The following ZAR1L variants were observed in gnomAD, a reference collection of about 807,000 sequenced individuals.
ZAR1L encodes zygote arrest 1 like.
Under a neutral mutation model 30.0 loss-of-function variants are expected in ZAR1L, and 16 were observed. The observed-to-expected ratio is 0.53, with a 90% CI of 0.36 to 0.81. The LOEUF is 0.81. Ranked by LOEUF, ZAR1L falls within the 30% of genes least tolerant of loss-of-function variation. ZAR1L has a pLI of 0.00. For missense variants in ZAR1L, 392 were observed against 417.2 expected (o/e 0.94, Z 0.53); for synonymous variants, 197 against 166.8 (o/e 1.18, Z -1.40).
intron 4 of ZAR1L, among the ~76,000 whole-genome samples, chr13:32,308,992 AT>A (rs35160937): frequency 0.31 from 44,590 of 144,338 alleles, 7,281 homozygotes; most frequent in South Asian, 0.39. Context: ...ATTGGAATAC[AT>A]TTTTTTTTTT....
chr13:32,305,173 A>G (rs1478352724), intron 5 of ZAR1L, among the ~76,000 whole-genome samples: 3 of 151,962 alleles, frequency 2.0e-5, no homozygotes, highest in African/African-American at 7.3e-5. Context: ...AGTCTTAAAC[A>G]TTATTTAATA....
At position 32,305,683 on chromosome 13, in the gene ZAR1L, G is replaced by C. The variant is rs564864101; in HGVS notation, c.823-1661C>G. 7.2e-5 allele frequency among the ~76,000 whole-genome samples: 11 copies of C among 152,258 alleles called. No homozygotes were observed. In the South Asian group the frequency reaches 2.3e-3, roughly 32 times the overall value. On this transcript the variant is annotated intron_variant, in intron 5 of 5. Transcript: ENST00000533490. ...GGATTTACCCTAAAGGTTGATTTTT[G>C]CTTCTGGAAATGATGGATTAGGTAA... is the stretch of plus-strand genomic sequence containing the variant.
intron 5 of ZAR1L, among the ~76,000 whole-genome samples, chr13:32,305,515 T>A (rs192067060): frequency 6.6e-6 from 1 of 152,226 alleles, no homozygotes; most frequent in Non-Finnish European, 1.5e-5. Context: ...CGTGAGCCAC[T>A]GCACCCAGCC....
At chr13:32,308,151 C>T (rs1423045013) in intron 5 of ZAR1L, among the ~76,000 whole-genome samples, 1 of 152,090 alleles carries the variant, frequency 6.6e-6, no homozygotes, top group Non-Finnish European at 1.5e-5. Context: ...TAACTAAGGA[C>T]TTAGGTTAAA....
At chr13:32,310,516 G>C (rs206110) in intron 4 of ZAR1L, 123 bp downstream of exon 4, 2 of 694,176 alleles carry the variant, frequency 2.9e-6, no homozygotes, top group Non-Finnish European at 5.0e-6. Context: ...CACCTGGCAC[G>C]GGGGATGCCA....
chr13:32,306,767 C>A (rs2072178414), intron 5 of ZAR1L, among the ~76,000 whole-genome samples: 1 of 151,818 alleles, frequency 6.6e-6, no homozygotes, highest in African/African-American at 2.4e-5. Context: ...CCTGTCTATA[C>A]TAAAAATACA....
At chr13:32,310,048 G>A (rs1275421129) in intron 4 of ZAR1L, among the ~76,000 whole-genome samples, 1 of 152,232 alleles carries the variant, frequency 6.6e-6, no homozygotes, top group Non-Finnish European at 1.5e-5. Flanking sequence ...GAGGTGCACA[G>A]GGCAAGGAAA....
At chr13:32,314,634 T>A (rs369491424) in intron 1 of ZAR1L, 84 bp from the exon 2 acceptor site, 1 of 152,380 alleles carries the variant, frequency 6.6e-6, no homozygotes, top group Non-Finnish European at 1.5e-5. Context: ...GCAGATCACC[T>A]GAGGTCGGGA....
At chr13:32,309,632 C>T (rs2072199143) in intron 4 of ZAR1L, among the ~76,000 whole-genome samples, 1 of 152,204 alleles carries the variant, frequency 6.6e-6, no homozygotes, top group African/African-American at 2.4e-5. Flanking sequence ...CCTTCCTGTG[C>T]TATCTCTGCA....
intron 5 of ZAR1L, among the ~76,000 whole-genome samples, chr13:32,304,445 G>A (rs2072159665): frequency 6.6e-6 from 1 of 152,058 alleles, no homozygotes; most frequent in Admixed American, 6.6e-5. Context: ...AGTGGCAGTG[G>A]GTAGGAATAA....
In ZAR1L at chr13:32,311,760, G is replaced by T. The variant is rs1372936700; in HGVS notation, c.166C>A (p.Pro56Thr). 1 of 1,551,550 alleles carries T rather than the reference G, an allele frequency of 6.4e-7. No individual in the cohort carries two copies. Among genetic ancestry groups the T allele is most frequent in the Non-Finnish European group, 8.7e-7 (1 of 1,147,014 alleles). The change falls in exon 3 of 6, where the codon CCT becomes ACT. Residue 56 changes from proline to threonine, a missense_variant. Coordinates refer to ENST00000533490, the MANE Select transcript of ZAR1L (RefSeq NM_001136571.2). ...RPGLLVPANA[P>T]DYCIDPYKRA... ...TTGTAAGGGTCAATGCAGTAGTCAG[G>T]GGCGTTCGCGGGCACCAGCAGCCCT...
intron 5 of ZAR1L, among the ~76,000 whole-genome samples, chr13:32,307,991 C>T (rs176178): frequency 0.38 from 57,243 of 151,792 alleles, 11,002 homozygotes; most frequent in East Asian, 0.49. Flanking sequence ...TTAATAGAGA[C>T]GGGGTTTCAC....
chr13:32,315,054 G>T (rs1041385482), intron 1 of ZAR1L, among the ~76,000 whole-genome samples: 4 of 152,118 alleles, frequency 2.6e-5, no homozygotes, highest in African/African-American at 9.7e-5. Flanking sequence ...ACCACTAAGT[G>T]AAGTCATCCA....
At chr13:32,304,578 G>A (rs1307948095) in intron 5 of ZAR1L, among the ~76,000 whole-genome samples, 1 of 152,198 alleles carries the variant, frequency 6.6e-6, no homozygotes, top group Admixed American at 6.5e-5. Context: ...AAAACTGGGA[G>A]AGAAGGGTAT....
At position 32,311,464 on chromosome 13, in the gene ZAR1L, G is replaced by A; in HGVS notation, c.462C>T (p.Ser154=). Residue 154 remains serine, a synonymous_variant, in exon 3 of 6, where the codon AGC becomes AGT. Transcript: ENST00000533490. ...CCTCCGCAGGGCCCGGGAGCGCCTT[G>A]CTCTCCGCTTCGTCCCCATCTCTCC... ...RLRRDGDEAE[S]KALPGPAEAS... is the part of the protein sequence containing the mutation. 1 of 1,546,846 alleles carries A rather than the reference G, an allele frequency of 6.5e-7. No homozygotes were observed. The highest frequency in any genetic ancestry group is 8.7e-7 in the Non-Finnish European group (1 of 1,146,772).
intron 2 of ZAR1L, among the ~76,000 whole-genome samples, chr13:32,313,137 G>C (rs1295972144): frequency 2.0e-5 from 3 of 152,146 alleles, no homozygotes; most frequent in Non-Finnish European, 4.4e-5. Flanking sequence ...AATGAGTCTA[G>C]AGATCTAATT....
At chr13:32,313,424 T>G (rs1044582550) in intron 2 of ZAR1L, among the ~76,000 whole-genome samples, 3 of 152,248 alleles carry the variant, frequency 2.0e-5, no homozygotes, top group Non-Finnish European at 2.9e-5. Flanking sequence ...AGGAGTGCAG[T>G]GGCATGATTT....
Position 32,303,888 on chromosome 13 carries a change from A to G in ZAR1L, c.957T>C (p.Tyr319=). 1 of 1,551,722 alleles carries G rather than the reference A, an allele frequency of 6.4e-7. No homozygotes were observed. Among genetic ancestry groups the G allele is most frequent in the Non-Finnish European group, 8.7e-7 (1 of 1,146,984 alleles). The change falls in exon 6 of 6, where the codon TAT becomes TAC. Residue 319 remains tyrosine, a synonymous_variant. Transcript: ENST00000533490. The stretch of plus-strand genomic sequence containing the variant: ...AGTCACACTGTACAAGTCACATCAC[A>G]TATTTAAAGCTGTAAATATTGCCAC... ...FSCGNIYSFK[Y]VM
At chr13:32,310,584 G>T (rs1309056881) in intron 4 of ZAR1L, 55 bp downstream of exon 4, 2 of 1,205,126 alleles carry the variant, frequency 1.7e-6, no homozygotes, top group African/African-American at 1.5e-5. Flanking sequence ...ATTCTTCCCC[G>T]CTTACCATCC....
Sources: gnomAD v4.1 joint callset for allele counts (sites outside exome capture counted in the v4.1 genomes callset) on GRCh38, gnomAD v4.1.1 for gene constraint, MANE v1.5 for transcripts, NCBI Gene and HGNC (gene_info 2026-07-23, HGNC 2026-07-21) for gene names.